Variants in NOC2L observed in about 807,000 individuals in gnomAD.
NOC2L encodes the protein NOC2 like nucleolar associated transcriptional repressor, also known as nucleolar complex protein 2 homolog.
Under a neutral mutation model 94.2 loss-of-function variants are expected in NOC2L, and 101 were observed. The ratio of observed to expected loss-of-function variants is 1.07; its 90% CI spans 0.91 to 1.26. The LOEUF (loss-of-function observed/expected upper bound fraction) is 1.26. NOC2L is among the 50% of genes most tolerant of loss of function. NOC2L has a pLI of 0.00. For synonymous variants in NOC2L, 531 were observed against 413.4 expected, an observed-to-expected ratio of 1.28 and a Z score of -3.45; for missense variants, 1,076 against 980.1, an observed-to-expected ratio of 1.10 and a Z score of -1.31.
rs564718168 is a variant in NOC2L at position 952,860 on chromosome 1, G to A, written c.1003-260C>T. On this transcript the variant is annotated intron_variant, in intron 9 of 18. Transcript: ENST00000327044. ...TGCAGGCCACCCATGGCTTGGGGAC[G>A]GGCAGTAGGACTGTACCCTGGCCAT... Among the ~76,000 whole-genome samples the A allele has an allele frequency of 1.8e-3, 268 of 152,300 alleles. 3 individuals are homozygous for A. Among genetic ancestry groups the A allele is most frequent in the African/African-American group, 6.0e-3 (248 of 41,558 alleles).
chr1:947,098 G>A (rs547911114), intron 14 of NOC2L: 72 of 154,594 alleles, frequency 4.7e-4, no homozygotes, highest in Non-Finnish European at 7.0e-4. Flanking sequence ...TCTCGCTGAC[G>A]TGCAGCCACA....
rs1478783784 is a variant in NOC2L at position 956,991 on chromosome 1, C to T, written c.389G>A (p.Gly130Glu). Reference sequence around the variant, plus strand: ...TCTGGGGACTCTGTCCCCATCTTCTCCTTCCTCCGCTCCATCCTCCTCCTC... The same window carrying T: ...TCTGGGGACTCTGTCCCCATCTTCTTCTTCCTCCGCTCCATCCTCCTCCTC... ...ASEEEDGAEE[G>E]EDGDRVPRGL... Residue 130 changes from glycine (G) to glutamate (E), a missense_variant, in exon 4 of 19, where the codon GGA (glycine) becomes GAA (glutamate). Around this residue, in one of 3 missense-constraint regions of NOC2L, gnomAD observed 457 missense variants for 386.0 expected, o/e 1.18. Coordinates refer to ENST00000327044, the MANE Select transcript of NOC2L (RefSeq NM_015658.4). The T allele has an allele frequency of 1.9e-6, 3 of 1,614,104 alleles. 1 individual carries two copies. Among genetic ancestry groups the T allele is most frequent in the Admixed American group, 1.7e-5 (1 of 60,032 alleles).
chr1:959,181 G>A (rs751988462), intron 1 of NOC2L, 34 bp downstream of exon 1: 28 of 1,611,596 alleles, frequency 1.7e-5, no homozygotes, highest in Non-Finnish European at 2.3e-5. Context: ...ACACCCACCG[G>A]GAGGCCAAAT....
chr1:946,095 TG>T, intron 16 of NOC2L, 77 bp downstream of exon 16: 2 of 1,097,144 alleles, frequency 1.8e-6, no homozygotes, highest in Non-Finnish European at 2.7e-6. Context: ...ACCCTCGCCC[TG>T]GTCTCAAGTC....
chr1:946,488 G>A lies in NOC2L; in HGVS notation c.1717C>T (p.Leu573=). Residue 573 remains leucine (L), a synonymous_variant, in exon 15 of 19, where the codon CTG becomes TTG. Transcript: ENST00000327044. The stretch of plus-strand genomic sequence containing the variant: ...GAGTTCTCCTGAACCTTCCCAAGCA[G>A]CTGCTGCACCTGCCGGCAGTAGTTG... ...VANYCRQVQQ[L]LGKVQENSAY... 1.2e-6 allele frequency: 2 copies of A among 1,613,314 alleles called. No individual in the cohort carries two copies. Among genetic ancestry groups the A allele is most frequent in the Non-Finnish European group, 1.7e-6 (2 of 1,180,000 alleles).
chr1:949,165 G>A (rs1439635378), intron 12 of NOC2L, among the ~76,000 whole-genome samples: 2 of 106,284 alleles, frequency 1.9e-5, no homozygotes, highest in Non-Finnish European at 5.0e-5. Flanking sequence ...CATGCCAGGA[G>A]GAGCAGAGAA....
In NOC2L at chr1:952,030, G is replaced by A. The variant is rs1447065839; in HGVS notation, c.1301C>T (p.Pro434Leu). 1.2e-6 allele frequency: 2 copies of A among 1,613,414 alleles called. No individual in the cohort carries two copies. Among genetic ancestry groups the A allele is most frequent in the Middle Eastern group, 1.7e-4 (1 of 6,012 alleles). Reference sequence around the variant, plus strand: ...ACAGCCAATGATGACTTGGGCAAGGGGGTAGACCAAGGGCTGGAGGGCTTC... The same window carrying A: ...ACAGCCAATGATGACTTGGGCAAGGAGGTAGACCAAGGGCTGGAGGGCTTC... The part of the protein sequence containing the change: ...PSEALQPLVY[P>L]LAQVIIGCIK... Residue 434 changes from proline (P) to leucine (L), a missense_variant, in exon 11 of 19, where the codon CCC becomes CTC. Transcript: ENST00000327044.
chr1:952,006 C>T lies in NOC2L; in HGVS notation c.1325G>A (p.Cys442Tyr), dbSNP rs1642272639. ...VYPLAQVIIG[C>Y]IKLIPTARFY... is the part of the protein sequence containing the mutation. ...TGCCCACCCCACAACTCACTTGATACAGCCAATGATGACTTGGGCAAGGGG... is the reference window on the plus strand; with the variant it reads ...TGCCCACCCCACAACTCACTTGATATAGCCAATGATGACTTGGGCAAGGGG... Residue 442 changes from cysteine (C) to tyrosine (Y), a missense_variant, in exon 11 of 19, where the codon TGT becomes TAT. Physicochemically the swap from Cys to Tyr is radical, Grantham distance 194. Transcript: ENST00000327044. 1.9e-6 allele frequency: 3 copies of T among 1,612,034 alleles called. No homozygotes were observed. The highest frequency in any genetic ancestry group is 1.3e-5 in the African/African-American group (1 of 75,030).
chr1:948,767 G>A (rs1405952752), intron 12 of NOC2L, among the ~76,000 whole-genome samples, 164 bp from the exon 13 acceptor site: 1 of 152,258 alleles, frequency 6.6e-6, no homozygotes, highest in Admixed American at 6.5e-5. Flanking sequence ...CCCGAAACAA[G>A]AGATAAGCAG....
rs770638589 is a variant in NOC2L, at chr1:953,984, C to T, written c.777+20G>A. On this transcript the variant is annotated intron_variant, in intron 7 of 18. Transcript: ENST00000327044. ...ACCAGATACAGCCAGGCCCCCGTGC[C>T]CTCCCCACCAGAATAGCACCTGTAT... 2 of 1,603,840 alleles carry T rather than the reference C, an allele frequency of 1.2e-6. No homozygotes were observed. The highest frequency in any genetic ancestry group is 1.1e-5 in the South Asian group (1 of 90,134).
chr1:957,309 T>C, intron 2 of NOC2L, 36 bp from the exon 3 acceptor site: 2 of 1,607,506 alleles, frequency 1.2e-6, no homozygotes, highest in Non-Finnish European at 8.5e-7. Flanking sequence ...CAGTGGGAAG[T>C]GGAAGTAGAG....
In NOC2L at chr1:956,165, T is replaced by C. The variant is rs752786815; in HGVS notation, c.537A>G (p.Ala179=). The C allele has an allele frequency of 1.2e-6, 2 of 1,613,944 alleles. No individual in the cohort carries two copies. The highest frequency in any genetic ancestry group is 1.7e-5 in the Admixed American group (1 of 60,008). The part of the protein sequence containing the change: ...LFHEVVQAFR[A]AVATTRGDQE... ...GGTCCCCTCGGGTGGTGGCCACAGC[T>C]GCTCGGAACGCCTGTACCACTTCAT... is the stretch of plus-strand genomic sequence containing the variant. Residue 179 remains alanine (A), a synonymous_variant, in exon 5 of 19, where the codon GCA becomes GCG. Coordinates refer to ENST00000327044, the MANE Select transcript of NOC2L (RefSeq NM_015658.4).
In NOC2L at chr1:956,231, T is replaced by C. The variant is rs1642398131; in HGVS notation, c.487-16A>G. 3.7e-6 allele frequency: 6 copies of C among 1,611,198 alleles called. No homozygotes were observed. The highest frequency in any genetic ancestry group is 1.1e-5 in the South Asian group (1 of 91,018). ...TGAGGCGTTGCTGAAGGAGCAAGAG[T>C]ACCAGGGGCGTCAGGGGAGCTGAGA... is the stretch of plus-strand genomic sequence containing the variant. On this transcript the variant is annotated splice_polypyrimidine_tract_variant and intron_variant, in intron 4 of 18. Transcript: ENST00000327044.
In NOC2L at chr1:951,233, A is replaced by G. The variant is rs778431780; in HGVS notation, c.1337T>C (p.Ile446Thr). 1 of 1,580,510 alleles carries G rather than the reference A, an allele frequency of 6.3e-7. No individual in the cohort carries two copies. ...AQVIIGCIKL[I>T]PTARFYPLRM... Reference sequence around the variant, plus strand: ...CAGCGGGTAGAAGCGGGCAGTGGGGATGAGCCTGGGGGTGGGAAGGCCGAG... The same window carrying G: ...CAGCGGGTAGAAGCGGGCAGTGGGGGTGAGCCTGGGGGTGGGAAGGCCGAG... The change falls in exon 12 of 19, where the codon ATC becomes ACC. Residue 446 changes from isoleucine (I) to threonine (T), a missense_variant. Physicochemically the swap from Ile to Thr is moderately conservative, Grantham distance 89. Coordinates refer to ENST00000327044, the MANE Select transcript of NOC2L (RefSeq NM_015658.4).
intron 12 of NOC2L, among the ~76,000 whole-genome samples, chr1:950,578 C>A (rs1485959112): frequency 6.6e-6 from 1 of 152,214 alleles, no homozygotes; most frequent in East Asian, 1.9e-4. Flanking sequence ...TACACACGCA[C>A]AGATGCACAC....
rs1347241648 is a variant in NOC2L, at chr1:956,032, G to A, written c.608-19C>T. On this transcript the variant is annotated intron_variant, in intron 5 of 18. Coordinates refer to ENST00000327044, the MANE Select transcript of NOC2L (RefSeq NM_015658.4). ...TTGAATGCTGCAACGAAAAGGCCTG[G>A]ATGTACTCACGGGACAGAGAACGCA... The A allele has an allele frequency of 6.2e-7, 1 of 1,614,042 alleles. No individual in the cohort carries two copies. The highest frequency in any genetic ancestry group is 2.2e-5 in the East Asian group (1 of 44,884).
chr1:949,012 G>C (rs1242731102), intron 12 of NOC2L, among the ~76,000 whole-genome samples: 2 of 147,014 alleles, frequency 1.4e-5, no homozygotes, highest in African/African-American at 5.0e-5. Context: ...TGCCACATGG[G>C]GCTCCGTCCC....
At chr1:953,578 G>A (rs779523316) in intron 8 of NOC2L, among the ~76,000 whole-genome samples, 3 of 152,252 alleles carry the variant, frequency 2.0e-5, no homozygotes, top group East Asian at 1.9e-4. Flanking sequence ...GGACTGAGCC[G>A]CGCTGCCCGG....
At chr1:954,838 AC>A (rs1642359845) in intron 6 of NOC2L, among the ~76,000 whole-genome samples, 3 of 151,982 alleles carry the variant, frequency 2.0e-5, no homozygotes, top group African/African-American at 7.3e-5. Context: ...AAAAAAAAAA[AC>A]CAAAAACCAA....
Sources: allele counts gnomAD v4.1 joint callset (sites outside exome capture counted in the v4.1 genomes callset), GRCh38; gene constraint gnomAD v4.1.1; regional missense constraint gnomAD v4.1.1; transcripts MANE v1.5; gene names NCBI Gene and HGNC (gene_info 2026-07-23, HGNC 2026-07-21).